Variants in SOS1 observed in about 807,000 individuals in gnomAD.
SOS1 encodes SOS Ras/Rac guanine nucleotide exchange factor 1.
In SOS1, 25 loss-of-function variants were observed where a neutral mutation model predicts 157.6. The ratio of observed to expected loss-of-function variants is 0.16; its 90% CI spans 0.12 to 0.22. The LOEUF (loss-of-function observed/expected upper bound fraction) is 0.22, where lower values mean the gene tolerates loss of function less well. SOS1 is among the 10% of genes least tolerant of loss of function. The pLI is 1.00. For missense variants in SOS1, 1,237 were observed against 1,599.1 expected, an observed-to-expected ratio of 0.77 and a Z score of 3.86; for synonymous variants, 528 against 534.0, an observed-to-expected ratio of 0.99 and a Z score of 0.16.
intron 1 of SOS1, among the ~76,000 whole-genome samples, chr2:39,100,095 A>T (rs2148203413): frequency 6.6e-6 from 1 of 152,328 alleles, no homozygotes; most frequent in Middle Eastern, 3.4e-3. Flanking sequence ...TAATCATCAG[A>T]GAAATGCAAA....
chr2:39,055,457 T>TA (rs1403411335), intron 4 of SOS1, among the ~76,000 whole-genome samples: 4 of 152,176 alleles, frequency 2.6e-5, no homozygotes, highest in African/African-American at 9.6e-5. Flanking sequence ...GCATCTCCTC[T>TA]CTGTGTAAAC....
At chr2:39,123,199 T>A (rs550807679), upstream of SOS1, among the ~76,000 whole-genome samples, 14 of 152,132 alleles carry the variant, frequency 9.2e-5, no homozygotes, top group Non-Finnish European at 2.1e-4. Context: ...AGAGGCCTTC[T>A]CCGATCACTC....
At chr2:39,034,514 C>T (rs1315241589) in intron 8 of SOS1, among the ~76,000 whole-genome samples, 2 of 152,074 alleles carry the variant, frequency 1.3e-5, no homozygotes, top group Admixed American at 6.6e-5. Context: ...AAGGCTAGTC[C>T]ATTAAAGGTA....
intron 6 of SOS1, among the ~76,000 whole-genome samples, chr2:39,036,996 G>T (rs1338566514): frequency 6.6e-6 from 1 of 152,158 alleles, no homozygotes; most frequent in African/African-American, 2.4e-5. Context: ...AGAAATGATT[G>T]AACAGTAATA....
Position 38,984,624 on chromosome 2 carries a change from T to C in SOS1, c.*1200A>G, listed in dbSNP as rs1003865982. 2.6e-5 allele frequency: 4 copies of C among 152,330 alleles called. No individual in the cohort carries two copies. The highest frequency in any genetic ancestry group is 3.4e-3 in the Middle Eastern group (1 of 294). 9.4% of individuals were successfully genotyped at this position (152,330 alleles called of 1,614,324 possible). On this transcript the variant is annotated 3_prime_UTR_variant, in exon 23 of 23. Coordinates refer to ENST00000402219, the MANE Select transcript of SOS1 (RefSeq NM_005633.4). ...ATATCCAGAACTAGAAACCAAGGCGTACCACAAAACGTGCTTTTATGTTTA... is the reference window on the plus strand; with the variant it reads ...ATATCCAGAACTAGAAACCAAGGCGCACCACAAAACGTGCTTTTATGTTTA...
Position 38,995,171 on chromosome 2 carries a change from C to G in SOS1, c.3298G>C (p.Asp1100His). Residue 1100 changes from aspartate (D) to histidine (H), a missense_variant, in exon 20 of 23, where the codon GAT becomes CAT. Asp to His is a moderately conservative substitution (Grantham distance 81). Transcript: ENST00000402219. Reference sequence around the variant, plus strand: ...TCGGAATCAAATACACTGCAAACATCTGTGGTACTGGAAGCACCAGAAGCA... The same window carrying G: ...TCGGAATCAAATACACTGCAAACATGTGTGGTACTGGAAGCACCAGAAGCA... ...PPASGASSTT[D>H]VCSVFDSDHS... 1.2e-6 allele frequency: 2 copies of G among 1,614,026 alleles called. No homozygotes were observed. Among genetic ancestry groups the G allele is most frequent in the Non-Finnish European group, 8.5e-7 (1 of 1,179,938 alleles).
intron 10 of SOS1, among the ~76,000 whole-genome samples, chr2:39,017,013 G>A (rs757103647): frequency 9.9e-5 from 15 of 152,096 alleles, no homozygotes; most frequent in Admixed American, 3.3e-4. Flanking sequence ...ATGTGTCTCA[G>A]TGCCACAGTC....
intron 1 of SOS1, among the ~76,000 whole-genome samples, chr2:39,118,896 C>T (rs969631243): frequency 1.3e-5 from 2 of 152,224 alleles, no homozygotes; most frequent in Non-Finnish European, 2.9e-5. Flanking sequence ...ATATTCTTTC[C>T]ACTGCTTCAA....
chr2:39,081,593 G>A (rs990186036), intron 1 of SOS1, among the ~76,000 whole-genome samples: 2 of 152,006 alleles, frequency 1.3e-5, no homozygotes, highest in Non-Finnish European at 2.9e-5. Context: ...GGGAGGCCAA[G>A]GCAGGCAGAT....
intron 1 of SOS1, among the ~76,000 whole-genome samples, chr2:39,080,190 G>T (rs1411404425): frequency 6.6e-6 from 1 of 151,764 alleles, no homozygotes; most frequent in East Asian, 1.9e-4. Context: ...ATATGGGGGG[G>T]AATGGGAGAC....
At chr2:39,066,917 T>C (rs573957897) in intron 2 of SOS1, among the ~76,000 whole-genome samples, 1 of 152,320 alleles carries the variant, frequency 6.6e-6, no homozygotes, top group South Asian at 2.1e-4. Context: ...CATCAAGAAA[T>C]TGTTCGTTTT....
intron 1 of SOS1, among the ~76,000 whole-genome samples, chr2:39,114,066 G>A (rs933514347): frequency 1.4e-4 from 21 of 152,010 alleles, no homozygotes; most frequent in African/African-American, 5.1e-4. Context: ...AGCCTGGTAT[G>A]ATCAATGACT....
chr2:38,986,127 G>C lies in SOS1; in HGVS notation c.3699C>G (p.Leu1233=), dbSNP rs1167398823. Reference sequence around the variant, plus strand: ...TTTTTTTGCCCAAAGGGGGAGGTTGGAGATGTAGTGGTGAGCTTGAGAAAA... The same window carrying C: ...TTTTTTTGCCCAAAGGGGGAGGTTGCAGATGTAGTGGTGAGCTTGAGAAAA... The part of the protein sequence containing the change: ...PDVFSSSPLH[L]QPPPLGKKSD... Residue 1233 remains leucine, a synonymous_variant, in exon 23 of 23, where the codon CTC becomes CTG. Coordinates refer to ENST00000402219, the MANE Select transcript of SOS1 (RefSeq NM_005633.4). The C allele has an allele frequency of 6.2e-7, 1 of 1,613,856 alleles. No individual in the cohort carries two copies. The highest frequency in any genetic ancestry group is 1.7e-5 in the Admixed American group (1 of 59,968).
Position 39,022,831 on chromosome 2 carries a change from C to T in SOS1, c.1597G>A (p.Glu533Lys), listed in dbSNP as rs780038520. Residue 533 changes from glutamate (E) to lysine (K), a missense_variant, in exon 10 of 23, where the codon GAG (glutamate) becomes AAG (lysine). Transcript: ENST00000402219. The stretch of plus-strand genomic sequence containing the variant: ...AATGCTGCCATCCAATTGTTTTTCT[C>T]TTCAGCTGACTTGGCAGAAAATATA... Reference protein sequence around the residue: ...SVIFSAKSAEEKNNWMAALIS... With the variant: ...SVIFSAKSAEKKNNWMAALIS... 3.1e-6 allele frequency: 5 copies of T among 1,613,656 alleles called. No individual in the cohort carries two copies. Among genetic ancestry groups the T allele is most frequent in the Non-Finnish European group, 4.2e-6 (5 of 1,179,756 alleles).
At chr2:39,013,068 G>C (rs1156274151) in intron 13 of SOS1, among the ~76,000 whole-genome samples, 1 of 152,108 alleles carries the variant, frequency 6.6e-6, no homozygotes, top group Admixed American at 6.6e-5. Context: ...TAGTGGCAGT[G>C]TTAGACATAG....
Position 39,058,908 on chromosome 2 carries a change from C to T in SOS1, c.214-104G>A, listed in dbSNP as rs1161404747. The T allele has an allele frequency of 3.5e-6, 3 of 865,024 alleles. No individual in the cohort carries two copies. In the East Asian group the frequency reaches 8.1e-5, roughly 23 times the overall value. The allele number at this position is 865,024 out of a possible 1,614,324, so 53.6% of individuals were successfully genotyped here. ...AAAGAATACCAAAAGTAGAGCTTTT[C>T]ACATGTGGTATAATTTACATTACAA... On this transcript the variant is annotated intron_variant, in intron 2 of 22. Transcript: ENST00000402219.
chr2:39,082,448 C>A (rs534276892), intron 1 of SOS1: 74 of 151,768 alleles, frequency 4.9e-4, no homozygotes, highest in Middle Eastern at 3.4e-3. Flanking sequence ...GCAAAAAAAA[C>A]CAAAAAACTG....
In SOS1 at chr2:39,006,432, G is replaced by A. The variant is rs1363593816; in HGVS notation, c.2771C>T (p.Pro924Leu). 6.6e-7 allele frequency: 1 copy of A among 1,518,316 alleles called. No homozygotes were observed. Among genetic ancestry groups the A allele is most frequent in the Non-Finnish European group, 9.1e-7 (1 of 1,093,110 alleles). 94.1% of individuals were successfully genotyped at this position (1,518,316 alleles called of 1,614,324 possible). ...KYLAKLRSIN[P>L]PCVPFFGIYL... ...CTTACCAAAGAAAGGCACACATGGT[G>A]GATTAATAGACCTGAGTTTTGCCAA... Residue 924 changes from proline to leucine, a missense_variant, in exon 17 of 23, where the codon CCA becomes CTA. Transcript: ENST00000402219.
At chr2:39,105,304 T>A (rs926034213) in intron 1 of SOS1, among the ~76,000 whole-genome samples, 24 of 151,696 alleles carry the variant, frequency 1.6e-4, no homozygotes, top group African/African-American at 5.6e-4. Flanking sequence ...TTTTTTTTTT[T>A]AAATAGAGAT....
Sources: allele counts gnomAD v4.1 joint callset (sites outside exome capture counted in the v4.1 genomes callset), GRCh38; gene constraint gnomAD v4.1.1; transcripts MANE v1.5; gene names NCBI Gene and HGNC (gene_info 2026-07-23, HGNC 2026-07-21).